The following ANK2 variants were observed in gnomAD, a reference collection of about 807,000 sequenced individuals.
ANK2 encodes the protein ankyrin-2.
ANK2 carries 83 observed loss-of-function variants against 360.5 expected under a neutral mutation model. The ratio of observed to expected loss-of-function variants is 0.23; its 90% confidence interval spans 0.19 to 0.28. The LOEUF is 0.28. Among genes scored for constraint, ANK2 ranks in the 10% least tolerant of loss-of-function variants. The pLI, the probability that ANK2 is intolerant of heterozygous loss-of-function variation, is 1.00. For missense variants in ANK2, 4,201 were observed against 4,795.7 expected (o/e 0.88, Z 3.66); for synonymous variants, 1,740 against 1,759.5 (o/e 0.99, Z 0.28).
chr4:113,005,380 A>G (rs571651808), intron 2 of ANK2, among the ~76,000 whole-genome samples: 75 of 152,364 alleles, frequency 4.9e-4, no homozygotes, highest in South Asian at 3.9e-3. Flanking sequence ...AATGTGATAT[A>G]TATAATCAAT....
At chr4:112,712,807 A>C in the ANK2 span, among the ~76,000 whole-genome samples, 2 of 152,242 alleles carry the variant, frequency 1.3e-5, no homozygotes, top group Non-Finnish European at 2.9e-5. Flanking sequence ...ACAGGCAATA[A>C]ATAAATATAG....
chr4:112,830,183 TAA>T, intron 1 of ANK2, among the ~76,000 whole-genome samples: 1 of 152,234 alleles, frequency 6.6e-6, no homozygotes, highest in Admixed American at 6.5e-5. Flanking sequence ...TGTTCTACCA[TAA>T]AGTCATATGC....
chr4:112,974,221 C>T (rs1425702164), intron 2 of ANK2, among the ~76,000 whole-genome samples: 1 of 152,192 alleles, frequency 6.6e-6, no homozygotes, highest in Non-Finnish European at 1.5e-5. Context: ...AGAATCCACC[C>T]ATGCACTGTT....
intron 2 of ANK2, among the ~76,000 whole-genome samples, chr4:113,011,496 G>C (rs752273217): frequency 1.3e-4 from 20 of 152,094 alleles, no homozygotes; most frequent in Non-Finnish European, 2.5e-4. Flanking sequence ...CTTATATACA[G>C]AATTGGACAG....
In ANK2 at chr4:113,369,638, C is replaced by G. The variant is rs753105287; in HGVS notation, c.11443C>G (p.Pro3815Ala). The G allele has an allele frequency of 6.2e-7, 1 of 1,614,146 alleles. No homozygotes were observed. The highest frequency in any genetic ancestry group is 1.1e-5 in the South Asian group (1 of 91,082). Residue 3815 changes from proline to alanine, a missense_variant, in exon 43 of 46, where the codon CCA becomes GCA. Transcript: ENST00000357077. ...GGAGGAGAAGCTGTACCTCCAGACCCCAACATCCAGCGAGCGGGGAGGCTC... is the reference window on the plus strand; with the variant it reads ...GGAGGAGAAGCTGTACCTCCAGACCGCAACATCCAGCGAGCGGGGAGGCTC... ...AEEEKLYLQT[P>A]TSSERGGSPI...
chr4:112,873,980 G>A (rs2074143637), intron 1 of ANK2, among the ~76,000 whole-genome samples: 1 of 151,828 alleles, frequency 6.6e-6, no homozygotes, highest in East Asian at 1.9e-4. Flanking sequence ...GTGTGAAAGT[G>A]ATTTAATAAA....
chr4:112,739,693 GA>G, the ANK2 span, among the ~76,000 whole-genome samples: 1 of 152,140 alleles, frequency 6.6e-6, no homozygotes. Flanking sequence ...GGGGGAGGGA[GA>G]AGCAATTTCC....
chr4:113,109,844 G>C (rs577231813), intron 1 of ANK2, among the ~76,000 whole-genome samples: 1 of 152,252 alleles, frequency 6.6e-6, no homozygotes, highest in South Asian at 2.1e-4. Context: ...GTTCATACAG[G>C]TGCTTAGTGT....
chr4:112,992,468 T>C (rs538562261), intron 2 of ANK2, among the ~76,000 whole-genome samples: 13 of 152,292 alleles, frequency 8.5e-5, no homozygotes, highest in South Asian at 2.1e-4. Context: ...TAGGTATTTC[T>C]TGGTACCAAA....
At chr4:113,053,953 T>A (rs1393419806) in intron 1 of ANK2, among the ~76,000 whole-genome samples, 1 of 152,190 alleles carries the variant, frequency 6.6e-6, no homozygotes, top group Admixed American at 6.5e-5. Context: ...TATTTTTGTG[T>A]GCAGCTCCAC....
the ANK2 span, among the ~76,000 whole-genome samples, chr4:112,802,592 T>G: frequency 2.0e-5 from 3 of 152,206 alleles, no homozygotes; most frequent in African/African-American, 7.2e-5. Context: ...TTCCTTTATA[T>G]AACCTTATAT....
At chr4:113,274,114 C>A in intron 14 of ANK2, among the ~76,000 whole-genome samples, 1 of 152,144 alleles carries the variant, frequency 6.6e-6, no homozygotes, top group East Asian at 1.9e-4. Context: ...GGTCCTAGGA[C>A]TTTTGGACTA....
chr4:113,373,314 A>G lies in ANK2; in HGVS notation c.11724A>G (p.Val3908=), dbSNP rs2096808746. The part of the protein sequence containing the change: ...KVTRKIIRRY[V]SSEGTEKEEI... ...CTAGGAAAATCATTAGGCGGTATGTATCCTCTGAAGGCACAGAGAAAGAAG... is the reference window on the plus strand; with the variant it reads ...CTAGGAAAATCATTAGGCGGTATGTGTCCTCTGAAGGCACAGAGAAAGAAG... The change falls in exon 45 of 46, where the codon GTA becomes GTG. Residue 3908 remains valine (V), a synonymous_variant. Coordinates refer to ENST00000357077, the MANE Select transcript of ANK2 (RefSeq NM_001148.6). The G allele has an allele frequency of 6.2e-7, 1 of 1,614,196 alleles. No individual in the cohort carries two copies. Among genetic ancestry groups the G allele is most frequent in the Non-Finnish European group, 8.5e-7 (1 of 1,180,000 alleles).
chr4:112,783,933 G>A, the ANK2 span, among the ~76,000 whole-genome samples: 17 of 152,212 alleles, frequency 1.1e-4, no homozygotes, highest in East Asian at 3.3e-3. Context: ...ACAGGCGTGA[G>A]CCACCGCGCC....
At chr4:113,070,761 C>T (rs975060960) in intron 1 of ANK2, among the ~76,000 whole-genome samples, 33 of 152,134 alleles carry the variant, frequency 2.2e-4, no homozygotes, top group African/African-American at 7.7e-4. Flanking sequence ...TGATTTCACT[C>T]GTGGCTGCCA....
intron 1 of ANK2, among the ~76,000 whole-genome samples, chr4:113,145,481 C>T (rs970376514): frequency 1.4e-4 from 22 of 152,308 alleles, no homozygotes; most frequent in East Asian, 5.8e-4. Flanking sequence ...TTTTACCCAG[C>T]AGGAACTTAA....
At chr4:113,070,986 A>G (rs965279032) in intron 1 of ANK2, among the ~76,000 whole-genome samples, 1 of 152,082 alleles carries the variant, frequency 6.6e-6, no homozygotes, top group Admixed American at 6.6e-5. Flanking sequence ...AAAGGAGAAA[A>G]TTACACCCCA....
intron 37 of ANK2, among the ~76,000 whole-genome samples, chr4:113,351,060 G>T (rs1007160270): frequency 6.6e-6 from 1 of 152,052 alleles, no homozygotes; most frequent in Non-Finnish European, 1.5e-5. Context: ...ATTTTAGTTT[G>T]TTGGACTATT....
At chr4:113,292,752 GC>G (rs1035945814) in intron 21 of ANK2, among the ~76,000 whole-genome samples, 1 of 152,234 alleles carries the variant, frequency 6.6e-6, no homozygotes, top group African/African-American at 2.4e-5. Context: ...GGAGACGGGG[GC>G]CCTCCGCTTG....
Sources: gnomAD v4.1 joint callset for allele counts (sites outside exome capture counted in the v4.1 genomes callset) on GRCh38, gnomAD v4.1.1 for gene constraint, MANE v1.5 for transcripts, NCBI Gene and HGNC (gene_info 2026-07-23, HGNC 2026-07-21) for gene names.